JADE2: variants seen among roughly 807,000 people sequenced by gnomAD.
JADE2 encodes the protein E3 ubiquitin-protein ligase Jade-2.
A neutral mutation model predicts 85.7 loss-of-function variants in JADE2; 13 were observed. That is an observed-to-expected ratio of 0.15 (90% CI 0.10 to 0.24). The LOEUF is 0.24. Among genes scored for constraint, JADE2 ranks in the 10% least tolerant of loss-of-function variants. The pLI is 1.00. For synonymous variants in JADE2, 440 were observed against 456.1 expected (o/e 0.96, Z 0.45); for missense variants, 846 against 1,115.9 (o/e 0.76, Z 3.45).
At chr5:134,530,504 T>C (rs1476774213) in intron 1 of JADE2, among the ~76,000 whole-genome samples, 2 of 151,472 alleles carry the variant, frequency 1.3e-5, no homozygotes, top group East Asian at 3.9e-4. Context: ...GCCCAGGGAG[T>C]GGCTGCAGTG....
chr5:134,568,913 T>C (rs914376568), intron 9 of JADE2, among the ~76,000 whole-genome samples: 1 of 151,990 alleles, frequency 6.6e-6, no homozygotes, highest in African/African-American at 2.4e-5. Context: ...CAGCCGGGAG[T>C]ATCCAGCCTG....
intron 1 of JADE2, among the ~76,000 whole-genome samples, 190 bp from the exon 2 acceptor site, chr5:134,535,668 T>C (rs1761538935): frequency 6.6e-6 from 1 of 152,020 alleles, no homozygotes; most frequent in South Asian, 2.1e-4. Context: ...TGCAGCCTTT[T>C]AGAATCCCAG....
rs59421890 is a variant in JADE2, at chr5:134,557,375, CTTT to C, written c.312-2441_312-2439del. On this transcript the variant is annotated intron_variant, in intron 4 of 11. Coordinates refer to ENST00000681547, the MANE Select transcript of JADE2 (RefSeq NM_001388185.1). ...ATTCAGTCTTTTACATTGAAAATAA[CTTT>C]TTTTTTTTTTTTTAATTATACTCTA... 1.9e-3 allele frequency among the ~76,000 whole-genome samples: 236 copies of C among 121,784 alleles called. 1 individual carries two copies. The highest frequency in any genetic ancestry group is 6.3e-3 in the African/African-American group (200 of 31,950). 79.9% of individuals were successfully genotyped at this position (121,784 alleles called of 152,430 possible).
At chr5:134,577,942 A>G (rs1442146573) in intron 11 of JADE2, among the ~76,000 whole-genome samples, 1 of 152,022 alleles carries the variant, frequency 6.6e-6, no homozygotes, top group Admixed American at 6.5e-5. Flanking sequence ...CTGGGAGGCA[A>G]CGCTTATAAA....
intron 3 of JADE2, among the ~76,000 whole-genome samples, chr5:134,540,907 G>A (rs892444974): frequency 6.6e-6 from 1 of 152,222 alleles, no homozygotes; most frequent in African/African-American, 2.4e-5. Context: ...AGGTGTCAGC[G>A]GAGGCTGAGA....
At chr5:134,556,713 A>C (rs576123266) in intron 4 of JADE2, among the ~76,000 whole-genome samples, 1 of 144,546 alleles carries the variant, frequency 6.9e-6, no homozygotes, top group Non-Finnish European at 1.5e-5. Context: ...CACACCACAC[A>C]CACACCTCAC....
chr5:134,536,344 T>C (rs1273765050), intron 2 of JADE2, among the ~76,000 whole-genome samples: 1 of 152,216 alleles, frequency 6.6e-6, no homozygotes, highest in Non-Finnish European at 1.5e-5. Flanking sequence ...TCTCTTGTCT[T>C]GCTTACCACT....
In JADE2 at chr5:134,578,989, A is replaced by C; in HGVS notation, c.2177A>C (p.Asp726Ala). Residue 726 changes from aspartate to alanine, a missense_variant, in exon 12 of 12, where the codon GAC (aspartate) becomes GCC (alanine). By Grantham distance (126) the Asp-to-Ala change is moderately radical (BLOSUM62 -2). Around this residue, in one of 9 missense-constraint regions of JADE2, gnomAD observed 300 missense variants for 300.7 expected, o/e 1.00. Transcript: ENST00000681547. The surrounding 1 kb of genome is among the most constrained non-coding windows in gnomAD (Gnocchi z 4.4). ...SPPPLAPETPDEAASVAADSD... is the reference protein window; with the variant it reads ...SPPPLAPETPAEAASVAADSD... ...CCGCCACTGGCCCCTGAGACCCCGG[A>C]CGAGGCAGCCTCAGTAGCTGCTGAC... 6.2e-7 allele frequency: 1 copy of C among 1,613,718 alleles called. No homozygotes were observed. Among genetic ancestry groups the C allele is most frequent in the Non-Finnish European group, 8.5e-7 (1 of 1,179,990 alleles).
At position 134,525,853 on chromosome 5, in the gene JADE2, C is replaced by T. The variant is rs1760774253; in HGVS notation, c.-159C>T. Reference sequence around the variant, plus strand: ...CGTGGGGCCTGGGACGCCGCGGGCCCGGCCGCCTCCCTCGCCGCGACCCCG... The same window carrying T: ...CGTGGGGCCTGGGACGCCGCGGGCCTGGCCGCCTCCCTCGCCGCGACCCCG... On this transcript the variant is annotated 5_prime_UTR_variant, in exon 1 of 12. Coordinates refer to ENST00000681547, the MANE Select transcript of JADE2 (RefSeq NM_001388185.1). 5 of 990,030 alleles carry T rather than the reference C, an allele frequency of 5.1e-6. No individual in the cohort carries two copies. The highest frequency in any genetic ancestry group is 6.2e-5 in the Admixed American group (1 of 16,234). 61.3% of individuals were successfully genotyped at this position (990,030 alleles called of 1,614,324 possible).
chr5:134,544,257 C>T (rs1197153576), intron 3 of JADE2, among the ~76,000 whole-genome samples: 2 of 152,246 alleles, frequency 1.3e-5, no homozygotes, highest in Non-Finnish European at 2.9e-5. Flanking sequence ...GTGGGCCTAG[C>T]TCAGTGCTGG....
In JADE2 at chr5:134,578,651, G is replaced by A. The variant is rs1223915080; in HGVS notation, c.1839G>A (p.Leu613=). 2.5e-6 allele frequency: 4 copies of A among 1,614,100 alleles called. No individual in the cohort carries two copies. Among genetic ancestry groups the A allele is most frequent in the Non-Finnish European group, 3.4e-6 (4 of 1,180,030 alleles). ...DPAPGLLSEE[L]LQDEETLLSF... ...CTCCAGGGCTGCTGTCAGAGGAACT[G>A]CTGCAGGACGAGGAGACACTGCTCA... is the stretch of plus-strand genomic sequence containing the variant. Residue 613 remains leucine, a synonymous_variant, in exon 12 of 12, where the codon CTG becomes CTA. Transcript: ENST00000681547. This position sits in a 1 kb window ranked among gnomAD's most constrained non-coding sequence, Gnocchi z 4.4.
intron 3 of JADE2, among the ~76,000 whole-genome samples, chr5:134,539,218 C>T (rs1475548706): frequency 2.0e-5 from 3 of 151,970 alleles, no homozygotes; most frequent in African/African-American, 7.2e-5. Context: ...CCCGCCACCA[C>T]ACCCGGCTAA....
At chr5:134,576,082 C>T (rs1244965623) in intron 10 of JADE2, among the ~76,000 whole-genome samples, 1 of 152,032 alleles carries the variant, frequency 6.6e-6, no homozygotes, top group Non-Finnish European at 1.5e-5. Context: ...ACCTGTGGTC[C>T]CAGCTACTCA....
intron 4 of JADE2, among the ~76,000 whole-genome samples, chr5:134,556,421 C>T (rs1762918873): frequency 6.6e-6 from 1 of 152,044 alleles, no homozygotes; most frequent in African/African-American, 2.4e-5. Context: ...AACACACACA[C>T]ACACATCACA....
In JADE2 at chr5:134,552,096, A is replaced by C. The variant is rs1406949884; in HGVS notation, c.198A>C (p.Ser66=). The change falls in exon 4 of 12, where the codon TCA becomes TCC. Residue 66 remains serine, a synonymous_variant. Transcript: ENST00000681547. The stretch of plus-strand genomic sequence containing the variant: ...TCACAGCCATGAAGATCCCGGACTC[A>C]TACCAGCTCAGCCCGGATGACTACT... The part of the protein sequence containing the change: ...DLITAMKIPD[S]YQLSPDDYYI... 3 of 1,614,218 alleles carry C rather than the reference A, an allele frequency of 1.9e-6. No homozygotes were observed. The highest frequency in any genetic ancestry group is 1.7e-6 in the Non-Finnish European group (2 of 1,180,032).
chr5:134,573,816 G>A, intron 10 of JADE2, 54 bp downstream of exon 10: 2 of 1,134,462 alleles, frequency 1.8e-6, no homozygotes, highest in Non-Finnish European at 2.7e-6. Context: ...CTCTTGCGGG[G>A]CTGGGTCCCA....
At chr5:134,548,782 G>C (rs953227262) in intron 3 of JADE2, among the ~76,000 whole-genome samples, 2 of 152,164 alleles carry the variant, frequency 1.3e-5, no homozygotes, top group African/African-American at 4.8e-5. Flanking sequence ...GGGACACTCT[G>C]GTCTCACCCA....
intron 11 of JADE2, chr5:134,577,184 G>A (rs1406900541): frequency 5.5e-6 from 2 of 361,368 alleles, no homozygotes; most frequent in Non-Finnish European, 1.0e-5. Flanking sequence ...GGGGGTCCTG[G>A]GTGCTGGATT....
At position 134,579,584 on chromosome 5, in the gene JADE2, G is replaced by GTATT; in HGVS notation, c.*268_*271dup. 1 of 437,576 alleles carries GTATT rather than the reference G, an allele frequency of 2.3e-6. No individual in the cohort carries two copies. The highest frequency in any genetic ancestry group is 4.1e-6 in the Non-Finnish European group (1 of 244,080). The allele number at this position is 437,576 out of a possible 1,614,324, so 27.1% of individuals were successfully genotyped here. ...GCACCATCCCTGCCCTGCCCACGTGGTATTGCTGGGCTCCTGGCTAGATGC... is the reference window on the plus strand; with the variant it reads ...GCACCATCCCTGCCCTGCCCACGTGGTATTTATTGCTGGGCTCCTGGCTAGATGC... On this transcript the variant is annotated 3_prime_UTR_variant, in exon 12 of 12. Transcript: ENST00000681547. This position sits in a 1 kb window ranked among gnomAD's most constrained non-coding sequence, Gnocchi z 4.6.
Sources: gnomAD v4.1 joint callset for allele counts (sites outside exome capture counted in the v4.1 genomes callset) on GRCh38, gnomAD v4.1.1 for gene constraint, gnomAD v4.1.1 regional missense constraint, Gnocchi (gnomAD v3.1) non-coding constraint, MANE v1.5 for transcripts, NCBI Gene and HGNC (gene_info 2026-07-23, HGNC 2026-07-21) for gene names.